SLC7A11: variants seen among roughly 807,000 people sequenced by gnomAD.
SLC7A11 encodes solute carrier family 7 member 11.
SLC7A11 carries 35 observed loss-of-function variants against 54.5 expected under a neutral mutation model. The observed-to-expected ratio is 0.64, with a 90% CI of 0.49 to 0.85. The LOEUF (loss-of-function observed/expected upper bound fraction) is 0.85. SLC7A11 is among the 40% of genes least tolerant of loss of function. The pLI, the probability that SLC7A11 is intolerant of heterozygous loss-of-function variation, is 0.00. For missense variants in SLC7A11, 583 were observed against 618.1 expected (o/e 0.94, Z 0.60); for synonymous variants, 230 against 225.2 (o/e 1.02, Z -0.19).
Position 138,165,554 on chromosome 4 carries a change from C to T in SLC7A11, c.*6402G>A, listed in dbSNP as rs923788788. 1 of 152,228 alleles carries T rather than the reference C, an allele frequency of 6.6e-6. No homozygotes were observed. The highest frequency in any genetic ancestry group is 1.5e-5 in the Non-Finnish European group (1 of 68,012). 9.4% of individuals were successfully genotyped at this position (152,228 alleles called of 1,614,324 possible). On this transcript the variant is annotated 3_prime_UTR_variant, in exon 12 of 12. Transcript: ENST00000280612. ...ATACAGCCTTAACACATATGATGCTCATATTTGCAAAGTTCCCAAATGTTG... is the reference window on the plus strand; with the variant it reads ...ATACAGCCTTAACACATATGATGCTTATATTTGCAAAGTTCCCAAATGTTG...
chr4:138,194,442 A>G (rs1442043197), intron 6 of SLC7A11, among the ~76,000 whole-genome samples: 2 of 152,192 alleles, frequency 1.3e-5, no homozygotes, highest in African/African-American at 2.4e-5. Flanking sequence ...ACAAAGATTC[A>G]TGTCCCTCTC....
rs2148404360 is a variant in SLC7A11 at position 138,169,892 on chromosome 4, A to G, written c.*2064T>C. On this transcript the variant is annotated 3_prime_UTR_variant, in exon 12 of 12. Coordinates refer to ENST00000280612, the MANE Select transcript of SLC7A11 (RefSeq NM_014331.4). ...TTATTATAAATTCACTCAGAGACCC[A>G]AACGTTAGGTTCAGCTAAAGAAATG... The G allele has an allele frequency of 6.6e-6, 1 of 152,174 alleles. No individual in the cohort carries two copies. The highest frequency in any genetic ancestry group is 2.4e-5 in the African/African-American group (1 of 41,534). The allele number at this position is 152,174 out of a possible 1,614,324, so 9.4% of individuals were successfully genotyped here. A position where few individuals can be genotyped will look rare whatever the true frequency, so the allele number is the denominator to read the frequency against.
In SLC7A11 at chr4:138,223,311, G is replaced by T. The variant is rs1463668437; in HGVS notation, c.534C>A (p.Val178=). Residue 178 remains valine (V), a synonymous_variant, in exon 4 of 12, where the codon GTC becomes GTA. Coordinates refer to ENST00000280612, the MANE Select transcript of SLC7A11 (RefSeq NM_014331.4). ...ITAVGITVVM[V]LNSMSVSWSA... ...TCCAGCTGACACTCATGCTATTTAG[G>T]ACCATCACTACAGCTGCAAACAAAT... 1 of 1,613,466 alleles carries T rather than the reference G, an allele frequency of 6.2e-7. No individual in the cohort carries two copies. The highest frequency in any genetic ancestry group is 8.5e-7 in the Non-Finnish European group (1 of 1,179,528).
At chr4:138,184,891 A>C (rs1186983404) in intron 7 of SLC7A11, among the ~76,000 whole-genome samples, 1 of 152,162 alleles carries the variant, frequency 6.6e-6, no homozygotes, top group East Asian at 1.9e-4. Context: ...TGTATGTGTG[A>C]AACTGTTTTA....
chr4:138,234,189 G>A (rs1738150304), intron 2 of SLC7A11, among the ~76,000 whole-genome samples: 1 of 152,092 alleles, frequency 6.6e-6, no homozygotes, highest in African/African-American at 2.4e-5. Context: ...TCATATAGTG[G>A]AAACCCAATA....
At chr4:138,206,736 C>T (rs1260319319) in intron 6 of SLC7A11, among the ~76,000 whole-genome samples, 1 of 151,616 alleles carries the variant, frequency 6.6e-6, no homozygotes, top group Non-Finnish European at 1.5e-5. Flanking sequence ...TATGTGATGC[C>T]GAGAAATGCA....
intron 11 of SLC7A11, among the ~76,000 whole-genome samples, chr4:138,174,972 A>AT (rs140597937): frequency 0.46 from 69,142 of 151,852 alleles, 15,991 homozygotes; most frequent in Middle Eastern, 0.49. Context: ...GCACAAGGCC[A>AT]TTTTTTTTCT....
chr4:138,184,969 G>A, intron 7 of SLC7A11, 152 bp downstream of exon 7: 1 of 739,506 alleles, frequency 1.4e-6, no homozygotes, highest in South Asian at 1.5e-5. Flanking sequence ...AATATGCTAA[G>A]GTATGCTCTA....
chr4:138,191,132 A>AT (rs1737002247), intron 6 of SLC7A11, among the ~76,000 whole-genome samples: 1 of 152,164 alleles, frequency 6.6e-6, no homozygotes, highest in Non-Finnish European at 1.5e-5. Context: ...ATTTATGAAC[A>AT]TTTTTTAAAG....
intron 1 of SLC7A11, among the ~76,000 whole-genome samples, chr4:138,241,404 G>T (rs1160225606): frequency 1.3e-5 from 2 of 152,192 alleles, no homozygotes; most frequent in Non-Finnish European, 2.9e-5. Flanking sequence ...GCCCATGCCA[G>T]GTTCCACTTC....
chr4:138,212,636 T>C (rs1410943261), intron 6 of SLC7A11, among the ~76,000 whole-genome samples: 1 of 151,792 alleles, frequency 6.6e-6, no homozygotes, highest in East Asian at 1.9e-4. Flanking sequence ...AGACAATCCT[T>C]AATTGGAACA....
intron 11 of SLC7A11, 31 bp from the exon 12 acceptor site, chr4:138,172,048 C>G: frequency 6.4e-7 from 1 of 1,563,726 alleles, no homozygotes; most frequent in South Asian, 1.2e-5. Context: ...ATTAAAAATG[C>G]ATGGAAATCA....
chr4:138,233,581 C>T (rs1738134869), intron 2 of SLC7A11, among the ~76,000 whole-genome samples: 1 of 152,110 alleles, frequency 6.6e-6, no homozygotes, highest in South Asian at 2.1e-4. Flanking sequence ...TATCAGAAAA[C>T]CAACCAGCAT....
intron 6 of SLC7A11, among the ~76,000 whole-genome samples, chr4:138,202,580 G>A (rs1737313056): frequency 6.6e-6 from 1 of 151,926 alleles, no homozygotes; most frequent in East Asian, 1.9e-4. Context: ...CAGATATTCT[G>A]TTTACATTTC....
rs1317833426 is a variant in SLC7A11 at position 138,166,565 on chromosome 4, T to C, written c.*5391A>G. The C allele has an allele frequency of 2.0e-5, 3 of 152,620 alleles. No homozygotes were observed. The highest frequency in any genetic ancestry group is 7.2e-5 in the African/African-American group (3 of 41,444). The allele number at this position is 152,620 out of a possible 1,614,324, so 9.5% of individuals were successfully genotyped here. On this transcript the variant is annotated 3_prime_UTR_variant, in exon 12 of 12. Coordinates refer to ENST00000280612, the MANE Select transcript of SLC7A11 (RefSeq NM_014331.4). Reference sequence around the variant, plus strand: ...TTAAAAAAAATCAGTAGTGTATATGTTGAGGAAAAAAAGCATGTTCACTCT... The same window carrying C: ...TTAAAAAAAATCAGTAGTGTATATGCTGAGGAAAAAAAGCATGTTCACTCT...
intron 11 of SLC7A11, chr4:138,178,141 A>G (rs921104047): frequency 6.6e-6 from 1 of 152,114 alleles, no homozygotes; most frequent in Admixed American, 6.6e-5. Flanking sequence ...CCTCAGTAGG[A>G]TATTATATGA....
At chr4:138,236,261 AT>A in intron 2 of SLC7A11, 63 bp downstream of exon 2, 1 of 1,439,472 alleles carries the variant, frequency 6.9e-7, no homozygotes, top group Non-Finnish European at 9.5e-7. Flanking sequence ...GTTAAAAATA[AT>A]CAAGGTGATT....
intron 11 of SLC7A11, among the ~76,000 whole-genome samples, chr4:138,172,687 T>A (rs1387571060): frequency 3.3e-5 from 5 of 152,140 alleles, no homozygotes; most frequent in African/African-American, 4.8e-5. Context: ...ACTGAGGGCA[T>A]CCCAAGAAAG....
intron 6 of SLC7A11, among the ~76,000 whole-genome samples, chr4:138,203,710 A>G (rs974030229): frequency 1.3e-5 from 2 of 152,094 alleles, no homozygotes; most frequent in Non-Finnish European, 2.9e-5. Flanking sequence ...ACATATCTTC[A>G]TGGACTATAA....
Sources: gnomAD v4.1 joint callset for allele counts (sites outside exome capture counted in the v4.1 genomes callset) on GRCh38, gnomAD v4.1.1 for gene constraint, MANE v1.5 for transcripts, NCBI Gene and HGNC (gene_info 2026-07-23, HGNC 2026-07-21) for gene names.